Variants in BCL2L14 observed in about 807,000 individuals in gnomAD.
BCL2L14 encodes BCL2 like 14, also known as apoptosis facilitator Bcl-2-like protein 14.
In BCL2L14, 27 loss-of-function variants were observed where a neutral mutation model predicts 35.3. The ratio of observed to expected loss-of-function variants is 0.76; its 90% confidence interval spans 0.56 to 1.05. The LOEUF (loss-of-function observed/expected upper bound fraction) is 1.05, where lower values mean the gene tolerates loss of function less well. Among genes scored for constraint, BCL2L14 ranks in the 50% least tolerant of loss-of-function variants. BCL2L14 has a pLI of 0.00. For synonymous variants in BCL2L14, 139 were observed against 145.9 expected, an observed-to-expected ratio of 0.95 and a Z score of 0.34; for missense variants, 377 against 382.6, an observed-to-expected ratio of 0.99 and a Z score of 0.12.
At chr12:12,061,145 A>AG (rs1291161685) in intron 2 of BCL2L14, among the ~76,000 whole-genome samples, 23 of 127,150 alleles carry the variant, frequency 1.8e-4, no homozygotes, top group Non-Finnish European at 3.8e-4. Context: ...TTCCCTTATT[A>AG]GACTGAGACA....
chr12:12,075,164 C>T (rs193210612), intron 1 of BCL2L14, among the ~76,000 whole-genome samples: 1 of 151,708 alleles, frequency 6.6e-6, no homozygotes, highest in African/African-American at 2.4e-5. Flanking sequence ...CGTGTGTCAC[C>T]CAGGCTGGAG....
intron 2 of BCL2L14, among the ~76,000 whole-genome samples, chr12:12,063,905 C>T (rs887808839): frequency 3.3e-5 from 5 of 152,014 alleles, no homozygotes; most frequent in African/African-American, 4.8e-5. Flanking sequence ...CACTCGTGCC[C>T]GCCAGAGAAC....
At chr12:12,096,572 A>G (rs548365653) in intron 5 of BCL2L14, among the ~76,000 whole-genome samples, 1 of 152,356 alleles carries the variant, frequency 6.6e-6, no homozygotes, top group South Asian at 2.1e-4. Context: ...CAAATGAGCA[A>G]TGGATTTGAA....
Position 12,099,078 on chromosome 12 carries a change from A to G in BCL2L14, c.*90A>G, listed in dbSNP as rs1949376868. 1 of 925,188 alleles carries G rather than the reference A, an allele frequency of 1.1e-6. No homozygotes were observed. Among genetic ancestry groups the G allele is most frequent in the African/African-American group, 1.6e-5 (1 of 61,146 alleles). 57.3% of individuals were successfully genotyped at this position (925,188 alleles called of 1,614,324 possible). ...TGGACTACAGGAGATTACAACGTAC[A>G]AGGCAGATGGAGCATTGACGTTTTC... On this transcript the variant is annotated 3_prime_UTR_variant, in exon 6 of 6. Coordinates refer to ENST00000308721, the MANE Select transcript of BCL2L14 (RefSeq NM_138723.2).
intron 3 of BCL2L14, among the ~76,000 whole-genome samples, chr12:12,090,565 A>G (rs1037328159): frequency 6.6e-6 from 1 of 152,040 alleles, no homozygotes; most frequent in African/African-American, 2.4e-5. Flanking sequence ...CCTGGGAGGC[A>G]GAGGTTGCAG....
At chr12:12,073,405 A>G (rs552791413) in intron 1 of BCL2L14, among the ~76,000 whole-genome samples, 42 of 152,242 alleles carry the variant, frequency 2.8e-4, no homozygotes, top group Non-Finnish European at 5.0e-4. Flanking sequence ...GGCCTGTAAG[A>G]CAACAAAAAT....
intron 1 of BCL2L14, among the ~76,000 whole-genome samples, chr12:12,079,052 C>A (rs1948848415): frequency 6.6e-6 from 1 of 152,232 alleles, no homozygotes; most frequent in African/African-American, 2.4e-5. Flanking sequence ...GCCTTGGCCT[C>A]CCAAAGTTTT....
chr12:12,093,925 G>A (rs191740607), intron 4 of BCL2L14, among the ~76,000 whole-genome samples: 5 of 151,756 alleles, frequency 3.3e-5, no homozygotes, highest in South Asian at 2.1e-4. Flanking sequence ...GCAACATGGC[G>A]AAACTCTATC....
Position 12,098,974 on chromosome 12 carries a change from GA to G in BCL2L14, c.972del (p.Glu325LysfsTer2). 6.2e-7 allele frequency: 1 copy of G among 1,600,528 alleles called. No individual in the cohort carries two copies. The highest frequency in any genetic ancestry group is 1.7e-5 in the Admixed American group (1 of 59,996). The part of the protein sequence containing the change: ...GWEKILGISH[E>X]EVD ...GGAAAAAATACTTGGGATATCACAT[GA>G]AGAAGTAGACTGAAATATCAGATTT... On this transcript the variant is annotated frameshift_variant, in exon 6 of 6. Coordinates refer to ENST00000308721, the MANE Select transcript of BCL2L14 (RefSeq NM_138723.2). LOFTEE classifies it high-confidence loss of function.
At chr12:12,079,119 T>C in intron 1 of BCL2L14, 180 bp from the exon 2 acceptor site, 2 of 607,440 alleles carry the variant, frequency 3.3e-6, no homozygotes, top group Non-Finnish European at 5.7e-6. Flanking sequence ...TGTGGAGTTA[T>C]CTATGGCCAT....
intron 3 of BCL2L14, 92 bp downstream of exon 3, chr12:12,087,478 G>A: frequency 7.2e-7 from 1 of 1,383,414 alleles, no homozygotes; most frequent in Non-Finnish European, 1.0e-6. Context: ...CAACTTGACA[G>A]TCTCCGCTGC....
upstream of BCL2L14, among the ~76,000 whole-genome samples, chr12:12,067,795 CAT>C (rs1591811060): frequency 6.6e-6 from 1 of 152,174 alleles, no homozygotes; most frequent in East Asian, 1.9e-4. Context: ...TAATATCTAA[CAT>C]GTGTTGTGAC....
chr12:12,051,861 T>C (rs987639957), intron 2 of BCL2L14: 2 of 152,158 alleles, frequency 1.3e-5, no homozygotes, highest in East Asian at 1.9e-4. Flanking sequence ...AGTACTGTAA[T>C]AGCTACACAC....
chr12:12,089,839 A>T (rs1002531792), intron 3 of BCL2L14, among the ~76,000 whole-genome samples: 41 of 152,248 alleles, frequency 2.7e-4, no homozygotes, highest in Admixed American at 1.8e-3. Flanking sequence ...GACCCAGCAT[A>T]CAAAGAATAA....
intron 2 of BCL2L14, among the ~76,000 whole-genome samples, chr12:12,085,508 A>C (rs182107205): frequency 2.0e-5 from 3 of 152,338 alleles, no homozygotes; most frequent in African/African-American, 7.2e-5. Context: ...TTAAAAAACG[A>C]GGAGGAAAGA....
chr12:12,050,986 T>C (rs1050499315), intron 1 of BCL2L14, among the ~76,000 whole-genome samples: 4 of 152,218 alleles, frequency 2.6e-5, no homozygotes, highest in African/African-American at 9.6e-5. Context: ...TCGATAAGGA[T>C]TGAATAGCAC....
chr12:12,080,202 CA>C (rs11298889), intron 2 of BCL2L14, among the ~76,000 whole-genome samples: 48,090 of 142,494 alleles, frequency 0.34, 8,304 homozygotes, highest in East Asian at 0.52. Flanking sequence ...GAGACTCCGT[CA>C]AAAAAAAAAA....
intron 2 of BCL2L14, among the ~76,000 whole-genome samples, chr12:12,052,227 A>G (rs1948367706): frequency 6.6e-6 from 1 of 152,320 alleles, no homozygotes; most frequent in East Asian, 1.9e-4. Context: ...AAACTTACCA[A>G]TTTTTTGCAG....
intron 2 of BCL2L14, among the ~76,000 whole-genome samples, chr12:12,080,694 T>C (rs1948901010): frequency 6.6e-6 from 1 of 151,532 alleles, no homozygotes; most frequent in African/African-American, 2.4e-5. Context: ...TCTTCCTAAG[T>C]CAACTCATTC....
Sources: gnomAD v4.1 joint callset for allele counts (sites outside exome capture counted in the v4.1 genomes callset) on GRCh38, gnomAD v4.1.1 for gene constraint, MANE v1.5 for transcripts, NCBI Gene and HGNC (gene_info 2026-07-23, HGNC 2026-07-21) for gene names.